The following P2RX7 variants were observed in gnomAD, a reference collection of about 807,000 sequenced individuals.
P2RX7 encodes the protein P2X purinoceptor 7.
In P2RX7, 62 loss-of-function variants were observed where a neutral mutation model predicts 71.6. The observed-to-expected ratio is 0.87, with a 90% CI of 0.71 to 1.07. The LOEUF is 1.07. P2RX7 is among the 50% of genes least tolerant of loss of function. The probability of loss-of-function intolerance (pLI) is 0.00; values close to 1 mark genes in which losing one functional copy is unlikely to be tolerated. For missense variants in P2RX7, 686 were observed against 748.5 expected (o/e 0.92, Z 0.97); for synonymous variants, 299 against 283.3 (o/e 1.06, Z -0.56).
intron 1 of P2RX7, among the ~76,000 whole-genome samples, chr12:121,144,547 G>A (rs1875727728): frequency 6.6e-6 from 1 of 152,214 alleles, no homozygotes; most frequent in Admixed American, 6.5e-5. Context: ...GAAAGATTAA[G>A]TCACTTACCC....
intron 9 of P2RX7, among the ~76,000 whole-genome samples, chr12:121,176,003 T>A (rs1008038070): frequency 2.0e-5 from 3 of 152,166 alleles, no homozygotes; most frequent in African/African-American, 7.2e-5. Context: ...ACCTTCGATC[T>A]GACCAGTTTA....
intron 3 of P2RX7, among the ~76,000 whole-genome samples, chr12:121,160,670 GT>G (rs1290869107): frequency 6.6e-6 from 1 of 152,186 alleles, no homozygotes; most frequent in African/African-American, 2.4e-5. Context: ...TGTAGCCTGT[GT>G]CATTGCTTCA....
intron 2 of P2RX7, among the ~76,000 whole-genome samples, chr12:121,155,568 C>A (rs1653584): frequency 6.6e-6 from 1 of 151,990 alleles, no homozygotes; most frequent in Non-Finnish European, 1.5e-5. Context: ...GGCACGTTTG[C>A]GGCTTGGGGA....
chr12:121,156,412 CTCTT>C (rs1395896698), intron 3 of P2RX7, among the ~76,000 whole-genome samples: 1 of 152,242 alleles, frequency 6.6e-6, no homozygotes, highest in Non-Finnish European at 1.5e-5. Context: ...GGCAACCCTG[CTCTT>C]TCTATCTCTG....
intron 7 of P2RX7, among the ~76,000 whole-genome samples, chr12:121,167,275 A>G (rs972736190): frequency 1.1e-4 from 17 of 151,992 alleles, no homozygotes; most frequent in African/African-American, 3.6e-4. Flanking sequence ...TTTAACGGTG[A>G]TGTGTCCCAG....
Position 121,149,195 on chromosome 12 carries a change from C to G in P2RX7, c.126-5590C>G. ...GACTTTATGGTGGGCACCTTCATCT[C>G]CATCTGGTGGGTCCAGAGCAAGCAG... On this transcript the variant is annotated intron_variant, in intron 1 of 12. Coordinates refer to ENST00000328963, the MANE Select transcript of P2RX7 (RefSeq NM_002562.6). This position sits in a 1 kb window ranked among gnomAD's most constrained non-coding sequence, Gnocchi z 4.7. The G allele has an allele frequency of 2.5e-6, 1 of 400,008 alleles. No individual in the cohort carries two copies. Among genetic ancestry groups the G allele is most frequent in the Non-Finnish European group, 5.0e-6 (1 of 201,698 alleles). The allele number at this position is 400,008 out of a possible 1,614,324, so 24.8% of individuals were successfully genotyped here.
chr12:121,169,737 C>G (rs1001009436), intron 8 of P2RX7, among the ~76,000 whole-genome samples: 1 of 152,144 alleles, frequency 6.6e-6, no homozygotes, highest in Non-Finnish European at 1.5e-5. Flanking sequence ...GAGACCCCAT[C>G]TCTACAAATA....
At chr12:121,167,872 G>A (rs1284215495) in intron 8 of P2RX7, among the ~76,000 whole-genome samples, 2 of 151,372 alleles carry the variant, frequency 1.3e-5, no homozygotes, top group Non-Finnish European at 2.9e-5. Flanking sequence ...AAGTGCAGTG[G>A]CGCCATCTCA....
rs1884945434 is a variant in P2RX7 at position 121,186,932 on chromosome 12, T to C, written c.*2130T>C. 6.6e-6 allele frequency: 1 copy of C among 152,252 alleles called. No individual in the cohort carries two copies. The allele number at this position is 152,252 out of a possible 1,614,324, so 9.4% of individuals were successfully genotyped here. A position where few individuals can be genotyped will look rare whatever the true frequency, so the allele number is the denominator to read the frequency against. On this transcript the variant is annotated 3_prime_UTR_variant, in exon 13 of 13. Transcript: ENST00000328963. Reference sequence around the variant, plus strand: ...CTGAAAGTGACTAAAAAGCTGGCTTTATGCCATTAACACTCTGTACTTTGC... The same window carrying C: ...CTGAAAGTGACTAAAAAGCTGGCTTCATGCCATTAACACTCTGTACTTTGC...
intron 4 of P2RX7, chr12:121,162,133 C>A: frequency 1.4e-6 from 1 of 721,130 alleles, no homozygotes; most frequent in Non-Finnish European, 1.9e-6. Context: ...TGAGAGCATA[C>A]ACCTGTTCCG....
At chr12:121,180,599 T>C (rs1883988427) in intron 12 of P2RX7, 144 bp downstream of exon 12, 1 of 485,848 alleles carries the variant, frequency 2.1e-6, no homozygotes, top group Non-Finnish European at 3.6e-6. Flanking sequence ...GATTAAACAA[T>C]TGAAAATTAC....
chr12:121,137,323 G>A (rs1275906810), intron 1 of P2RX7, among the ~76,000 whole-genome samples: 2 of 152,042 alleles, frequency 1.3e-5, no homozygotes, highest in African/African-American at 4.8e-5. Context: ...CCTTCACCTG[G>A]AGCAAAACTG....
At chr12:121,148,455 T>C (rs1329362715) in intron 1 of P2RX7, among the ~76,000 whole-genome samples, 3 of 152,032 alleles carry the variant, frequency 2.0e-5, no homozygotes, top group Non-Finnish European at 4.4e-5. Context: ...TCTCAAATTA[T>C]CCACCTGCCT....
intron 1 of P2RX7, among the ~76,000 whole-genome samples, chr12:121,136,315 A>C (rs1461107727): frequency 4.0e-5 from 6 of 151,312 alleles, no homozygotes; most frequent in Non-Finnish European, 7.4e-5. Context: ...CCCAGCATAC[A>C]ATCTTTTTAT....
rs948214422 is a variant in P2RX7, at chr12:121,187,260, C to G, written c.*2458C>G. Reference sequence around the variant, plus strand: ...TTACCATTTTGATACCTTTTAAAAACCAGCAGCTTTCTACTATATTCATGT... The same window carrying G: ...TTACCATTTTGATACCTTTTAAAAAGCAGCAGCTTTCTACTATATTCATGT... On this transcript the variant is annotated 3_prime_UTR_variant, in exon 13 of 13. Transcript: ENST00000328963. 3 of 152,102 alleles carry G rather than the reference C, an allele frequency of 2.0e-5. No homozygotes were observed. Among genetic ancestry groups the G allele is most frequent in the Non-Finnish European group, 4.4e-5 (3 of 68,020 alleles). 9.4% of individuals were successfully genotyped at this position (152,102 alleles called of 1,614,324 possible).
rs1718119 is a variant in P2RX7, at chr12:121,177,300, G to T, written c.1042G>T (p.Ala348Ser). The T allele has an allele frequency of 3.1e-6, 5 of 1,613,740 alleles. No homozygotes were observed. In the South Asian group the frequency reaches 5.5e-5, roughly 18 times the overall value. ...GSTLSYFGLA[A>S]VFIDFLIDTY... is the part of the protein sequence containing the mutation. ...CGCTTGTCTGCATTCTCCCCAGGCC[G>T]CTGTGTTCATCGACTTCCTCATCGA... Residue 348 changes from alanine to serine, a missense_variant, in exon 11 of 13, where the codon GCT (alanine) becomes TCT (serine). By Grantham distance (99) the Ala-to-Ser change is moderately conservative (BLOSUM62 1). Coordinates refer to ENST00000328963, the MANE Select transcript of P2RX7 (RefSeq NM_002562.6).
intron 1 of P2RX7, among the ~76,000 whole-genome samples, chr12:121,136,699 T>C (rs532275420): frequency 6.7e-6 from 1 of 149,312 alleles, no homozygotes; most frequent in East Asian, 2.0e-4. Flanking sequence ...TAGGCTGTAG[T>C]GCAGTGGTGT....
In P2RX7 at chr12:121,154,833, C is replaced by T. The variant is rs370478786; in HGVS notation, c.174C>T (p.Ile58=). 7.4e-5 allele frequency: 119 copies of T among 1,614,172 alleles called. 5 individuals are homozygous for T. The South Asian group carries it at 1.2e-3, about 16-fold the overall frequency. Residue 58 remains isoleucine (I), a synonymous_variant, in exon 2 of 13, where the codon ATC becomes ATT. Transcript: ENST00000328963. The surrounding 1 kb of genome is among the most constrained non-coding windows in gnomAD (Gnocchi z 4.2). ...TGTACCAGCGGAAAGAGCCTGTCATCAGTTCTGTGCACACCAAGGTGAAGG... is the reference window on the plus strand; with the variant it reads ...TGTACCAGCGGAAAGAGCCTGTCATTAGTTCTGTGCACACCAAGGTGAAGG... ...DKLYQRKEPV[I]SSVHTKVKGI...
chr12:121,162,177 C>G lies in P2RX7; in HGVS notation c.437-247C>G, dbSNP rs1425400822. On this transcript the variant is annotated intron_variant, in intron 4 of 12. Transcript: ENST00000328963. ...ATGGGCACCTTTTCTTATAAAGAAA[C>G]AAAAGAGCCAGCAGAATCCACAGTC... is the stretch of plus-strand genomic sequence containing the variant. 7.3e-6 allele frequency: 9 copies of G among 1,229,194 alleles called. No individual in the cohort carries two copies. The South Asian group carries it at 1.6e-4, about 21-fold the overall frequency. The allele number at this position is 1,229,194 out of a possible 1,614,324, so 76.1% of individuals were successfully genotyped here.
Sources: allele counts gnomAD v4.1 joint callset (sites outside exome capture counted in the v4.1 genomes callset), GRCh38; gene constraint gnomAD v4.1.1; non-coding constraint Gnocchi (gnomAD v3.1); transcripts MANE v1.5; gene names NCBI Gene and HGNC (gene_info 2026-07-23, HGNC 2026-07-21).